The following NTM variants were observed in gnomAD, a reference collection of about 807,000 sequenced individuals.
NTM encodes IgLON family member 2.
In NTM, 13 loss-of-function variants were observed where a neutral mutation model predicts 42.1. The observed-to-expected ratio is 0.31, with a 90% confidence interval of 0.20 to 0.49. The LOEUF (loss-of-function observed/expected upper bound fraction) is 0.49, where lower values mean the gene tolerates loss of function less well. Ranked by LOEUF, NTM falls within the 20% of genes least tolerant of loss-of-function variation. The pLI is 0.99. For synonymous variants in NTM, 187 were observed against 179.2 expected, an observed-to-expected ratio of 1.04 and a Z score of -0.35; for missense variants, 373 against 452.8, an observed-to-expected ratio of 0.82 and a Z score of 1.60.
chr11:132,286,608 A>G (rs1565389889), intron 4 of NTM, among the ~76,000 whole-genome samples: 7 of 151,900 alleles, frequency 4.6e-5, no homozygotes, highest in Admixed American at 2.0e-4. Flanking sequence ...AGAATTTTTG[A>G]TACTTCTGAT....
At chr11:132,125,691 G>A in intron 2 of NTM, among the ~76,000 whole-genome samples, 1 of 996 alleles carries the variant, frequency 1.0e-3, no homozygotes, top group Non-Finnish European at 2.5e-3. Flanking sequence ...AGTGGGGTAT[G>A]TGGTGTGAGT....
intron 1 of NTM, among the ~76,000 whole-genome samples, chr11:131,419,071 CCATCTGTTCATT>C (rs1947246623): frequency 6.6e-6 from 1 of 152,120 alleles, no homozygotes; most frequent in Non-Finnish European, 1.5e-5. Context: ...ATTTACCCAC[CCATCTGTTCATT>C]CATTTATCCA....
intron 1 of NTM, among the ~76,000 whole-genome samples, chr11:131,832,940 T>C (rs1014638567): frequency 6.6e-6 from 1 of 152,226 alleles, no homozygotes; most frequent in African/African-American, 2.4e-5. Flanking sequence ...TAATGAGATT[T>C]CTCCTTTACT....
intron 8 of NTM, among the ~76,000 whole-genome samples, chr11:132,330,969 T>A (rs80068017): frequency 6.6e-6 from 1 of 152,198 alleles, no homozygotes; most frequent in Non-Finnish European, 1.5e-5. Context: ...CACCTGGACC[T>A]AAGGTCTTCA....
At chr11:131,408,210 C>G (rs1055573589) in intron 1 of NTM, among the ~76,000 whole-genome samples, 1 of 152,150 alleles carries the variant, frequency 6.6e-6, no homozygotes, top group African/African-American at 2.4e-5. Flanking sequence ...ACACCCTCCC[C>G]GGCCAAAAGA....
intron 2 of NTM, among the ~76,000 whole-genome samples, chr11:131,951,745 CT>C (rs1254216553): frequency 4.1e-5 from 6 of 146,312 alleles, no homozygotes; most frequent in Non-Finnish European, 8.9e-5. Context: ...ATGCTTGAAA[CT>C]GGGAGGCACA....
chr11:131,716,072 G>A (rs1263422350), intron 1 of NTM, among the ~76,000 whole-genome samples: 4 of 152,194 alleles, frequency 2.6e-5, no homozygotes, highest in Admixed American at 6.5e-5. Flanking sequence ...CAAAGTTCAA[G>A]AAGTCCAAGA....
chr11:132,048,655 A>T (rs73030374), intron 2 of NTM, among the ~76,000 whole-genome samples: 3,817 of 152,276 alleles, frequency 0.025, 73 homozygotes, highest in Non-Finnish European at 0.039. Flanking sequence ...TCAGGGACCC[A>T]GAAGTTGAGA....
intron 1 of NTM, among the ~76,000 whole-genome samples, chr11:131,450,896 T>C (rs1950429329): frequency 6.6e-6 from 1 of 152,160 alleles, no homozygotes; most frequent in South Asian, 2.1e-4. Context: ...AAATGTTTGT[T>C]GAATAAATAA....
chr11:131,795,742 T>A, intron 1 of NTM: 26 of 985,326 alleles, frequency 2.6e-5, no homozygotes, highest in Non-Finnish European at 3.1e-5. Flanking sequence ...GACAGTGTAG[T>A]GGTTCAGGTC....
chr11:132,307,691 G>T lies in NTM; in HGVS notation c.529G>T (p.Val177Phe). 6.2e-7 allele frequency: 1 copy of T among 1,614,140 alleles called. No individual in the cohort carries two copies. The highest frequency in any genetic ancestry group is 8.5e-7 in the Non-Finnish European group (1 of 1,180,004). The change falls in exon 5 of 9, where the codon GTT (valine) becomes TTT (phenylalanine). Residue 177 changes from valine (V) to phenylalanine (F), a missense_variant and splice_region_variant. Coordinates refer to ENST00000683400, the MANE Select transcript of NTM (RefSeq NM_001352005.2). ...VTWRHISPKA[V>F]GFVSEDEYLE... ...ACACGTTACCGGTTTTCCCGCAGCG[G>T]TTGGCTTTGTGAGTGAAGACGAATA...
At chr11:131,789,625 GAAGAAGAAGAAA>G (rs2090439844) in intron 1 of NTM, among the ~76,000 whole-genome samples, 1 of 85,564 alleles carries the variant, frequency 1.2e-5, no homozygotes, top group African/African-American at 5.3e-5. Context: ...AGAAGAAGAA[GAAGAAGAAGAAA>G]AGAAGAAGAA....
chr11:131,529,111 T>C (rs2050892793), intron 1 of NTM, among the ~76,000 whole-genome samples: 1 of 152,204 alleles, frequency 6.6e-6, no homozygotes, highest in Non-Finnish European at 1.5e-5. Flanking sequence ...TTAGAGAAGC[T>C]GTCATGCAGT....
At chr11:131,411,388 G>C (rs1481935146) in intron 1 of NTM, among the ~76,000 whole-genome samples, 1 of 152,006 alleles carries the variant, frequency 6.6e-6, no homozygotes, top group Non-Finnish European at 1.5e-5. Context: ...GATTGCTAAG[G>C]ATGTAACAAT....
At chr11:131,769,110 T>A (rs566504066) in intron 1 of NTM, among the ~76,000 whole-genome samples, 38 of 152,336 alleles carry the variant, frequency 2.5e-4, no homozygotes, top group Middle Eastern at 6.8e-3. Flanking sequence ...GGCAGTTCCC[T>A]CCCAGGGCAA....
chr11:131,457,628 A>C (rs1004567816), intron 1 of NTM, among the ~76,000 whole-genome samples: 16 of 152,196 alleles, frequency 1.1e-4, no homozygotes, highest in Non-Finnish European at 2.9e-5. Flanking sequence ...GGATACGTTA[A>C]GTAGGTGTTT....
intron 1 of NTM, among the ~76,000 whole-genome samples, chr11:131,530,744 C>G (rs534378547): frequency 6.6e-6 from 1 of 152,296 alleles, no homozygotes; most frequent in Non-Finnish European, 1.5e-5. Context: ...ACCCCCTTAA[C>G]CTCACCCTGA....
chr11:131,621,828 A>AG (rs1230436858), intron 1 of NTM, among the ~76,000 whole-genome samples: 2 of 149,744 alleles, frequency 1.3e-5, no homozygotes, highest in South Asian at 2.1e-4. Context: ...ACTCAAAGAA[A>AG]AAAAAAAAAA....
chr11:132,264,047 G>T (rs967025737), intron 4 of NTM, among the ~76,000 whole-genome samples: 14 of 152,172 alleles, frequency 9.2e-5, no homozygotes, highest in African/African-American at 3.4e-4. Context: ...CATAGGGCAT[G>T]TTTATTTTAA....
Sources: allele counts gnomAD v4.1 joint callset (sites outside exome capture counted in the v4.1 genomes callset), GRCh38; gene constraint gnomAD v4.1.1; transcripts MANE v1.5; gene names NCBI Gene and HGNC (gene_info 2026-07-23, HGNC 2026-07-21).